PCDH15: variants seen among roughly 807,000 people sequenced by gnomAD.
The protein encoded by PCDH15 is protocadherin-15.
In PCDH15, 129 loss-of-function variants were observed where a neutral mutation model predicts 178.5. That is an observed-to-expected ratio of 0.72 (90% CI 0.63 to 0.84). The LOEUF is 0.84. Among genes scored for constraint, PCDH15 ranks in the 40% least tolerant of loss-of-function variants. The pLI is 0.00. For missense variants in PCDH15, 2,230 were observed against 2,099.9 expected (o/e 1.06, Z -1.21); for synonymous variants, 800 against 732.0 (o/e 1.09, Z -1.50).
intron 2 of PCDH15, among the ~76,000 whole-genome samples, chr10:54,557,416 TC>T (rs1377678721): frequency 6.6e-6 from 1 of 152,094 alleles, no homozygotes; most frequent in Non-Finnish European, 1.5e-5. Flanking sequence ...TGGGCACATT[TC>T]CCCCTCAAAC....
intron 2 of PCDH15, among the ~76,000 whole-genome samples, chr10:55,559,995 C>T (rs1842164447): frequency 6.6e-6 from 1 of 151,862 alleles, no homozygotes; most frequent in Admixed American, 6.6e-5. Flanking sequence ...ACTCATACAA[C>T]ACTGTAGGCC....
intron 3 of PCDH15, among the ~76,000 whole-genome samples, chr10:54,878,800 T>C (rs963162276): frequency 2.6e-5 from 4 of 152,086 alleles, no homozygotes; most frequent in Non-Finnish European, 5.9e-5. Flanking sequence ...ATCCATTAGA[T>C]ATTCTCCTTG....
intron 2 of PCDH15, among the ~76,000 whole-genome samples, chr10:54,542,947 A>G (rs1430797235): frequency 6.6e-6 from 1 of 152,182 alleles, no homozygotes; most frequent in Non-Finnish European, 1.5e-5. Context: ...GTGGTGAGGA[A>G]CACATTGGCA....
At position 54,144,191 on chromosome 10, in the gene PCDH15, G is replaced by A. The variant is rs373952579; in HGVS notation, c.1784+8909C>T. Among the ~76,000 whole-genome samples, 22 of 152,098 alleles carry A rather than the reference G, an allele frequency of 1.4e-4. No homozygotes were observed. In the South Asian group the frequency reaches 3.3e-3, roughly 23 times the overall value. On this transcript the variant is annotated intron_variant, in intron 14 of 37. Transcript: ENST00000644397. ...TCACCTGTAGTATGACGCTGCCCAC[G>A]ATGCCCCTCCTCAGTATTAAGCAGC...
chr10:53,955,757 C>T (rs907364976), intron 23 of PCDH15, among the ~76,000 whole-genome samples: 8 of 152,130 alleles, frequency 5.3e-5, no homozygotes, highest in Admixed American at 1.3e-4. Context: ...CACGAAAGAC[C>T]ATCCTAATAA....
At chr10:55,399,306 T>C (rs1004237725) in intron 2 of PCDH15, among the ~76,000 whole-genome samples, 2 of 152,192 alleles carry the variant, frequency 1.3e-5, no homozygotes, top group Non-Finnish European at 2.9e-5. Flanking sequence ...AAAATATTTA[T>C]TTTAATTTTA....
intron 4 of PCDH15, among the ~76,000 whole-genome samples, chr10:54,372,022 C>T (rs1177048939): frequency 6.6e-6 from 1 of 151,752 alleles, no homozygotes; most frequent in Non-Finnish European, 1.5e-5. Flanking sequence ...ATTAGATGAC[C>T]TCCATTTTTA....
chr10:55,233,262 G>C (rs941406462), intron 1 of PCDH15, among the ~76,000 whole-genome samples: 3 of 151,930 alleles, frequency 2.0e-5, no homozygotes, highest in Admixed American at 6.6e-5. Flanking sequence ...ATATACAAAA[G>C]CTTTTGCTTT....
chr10:55,345,998 T>C (rs1269117978), intron 2 of PCDH15, among the ~76,000 whole-genome samples: 2 of 152,106 alleles, frequency 1.3e-5, no homozygotes, highest in African/African-American at 2.4e-5. Flanking sequence ...TAAAATAAGA[T>C]GTAAGACTAT....
intron 1 of PCDH15, among the ~76,000 whole-genome samples, chr10:55,201,970 G>T (rs1190117804): frequency 6.6e-6 from 1 of 152,036 alleles, no homozygotes; most frequent in Non-Finnish European, 1.5e-5. Context: ...AGAAAATTCT[G>T]GGATAAACTG....
chr10:54,939,107 T>C (rs565840591), intron 2 of PCDH15, among the ~76,000 whole-genome samples: 1 of 152,246 alleles, frequency 6.6e-6, no homozygotes, highest in South Asian at 2.1e-4. Context: ...GCAGCAGCAA[T>C]ATAAAATAAA....
At chr10:55,114,011 C>T (rs1448281661) in intron 2 of PCDH15, among the ~76,000 whole-genome samples, 6 of 152,142 alleles carry the variant, frequency 3.9e-5, no homozygotes, top group African/African-American at 9.7e-5. Flanking sequence ...TGCAGTGGCA[C>T]GATCTCGGCT....
chr10:55,402,823 T>C (rs2084276), intron 2 of PCDH15, among the ~76,000 whole-genome samples: 149,673 of 152,038 alleles, frequency 0.98, 73,679 homozygotes, highest in East Asian at 1. Context: ...ATTTCCTTTC[T>C]TTTGGATAAA....
chr10:54,725,459 T>A (rs867610349), intron 1 of PCDH15, among the ~76,000 whole-genome samples: 1 of 147,154 alleles, frequency 6.8e-6, no homozygotes, highest in Admixed American at 7.0e-5. Flanking sequence ...GAAGGATCAC[T>A]TGAACTCAGA....
chr10:54,791,169 T>C (rs926388861), intron 1 of PCDH15, among the ~76,000 whole-genome samples: 4 of 151,882 alleles, frequency 2.6e-5, no homozygotes, highest in African/African-American at 4.8e-5. Context: ...CAATTGATCC[T>C]TATAAGGGCC....
chr10:55,456,116 T>G (rs1460478987), intron 2 of PCDH15, among the ~76,000 whole-genome samples: 2 of 152,140 alleles, frequency 1.3e-5, no homozygotes, highest in African/African-American at 4.8e-5. Flanking sequence ...TCAACTCTGC[T>G]TAATTTATCT....
At chr10:54,599,209 A>C (rs763221875) in intron 2 of PCDH15, among the ~76,000 whole-genome samples, 14 of 152,288 alleles carry the variant, frequency 9.2e-5, no homozygotes, top group African/African-American at 3.4e-4. Flanking sequence ...GGGAATCTTA[A>C]GCACAAAGAA....
Position 55,593,181 on chromosome 10 carries a change from A to G in PCDH15, c.-156+34444T>C, listed in dbSNP as rs199915504. Among the ~76,000 whole-genome samples the G allele has an allele frequency of 3.9e-5, 6 of 152,210 alleles. No homozygotes were observed. In the East Asian group the frequency reaches 1.2e-3, roughly 29 times the overall value. ...ACCCAAATATATGTTCAAAATACGT[A>G]TAAAAGAAAAACTGGTATGTTATTA... On this transcript the variant is annotated intron_variant, in intron 2 of 5. Coordinates refer to the PCDH15 transcript ENST00000613346.
chr10:54,241,586 G>T (rs1473575876), intron 8 of PCDH15, among the ~76,000 whole-genome samples: 2 of 152,124 alleles, frequency 1.3e-5, no homozygotes, highest in African/African-American at 4.8e-5. Flanking sequence ...TGCCTCTGAA[G>T]CAAAGCTGCT....
Sources: allele counts gnomAD v4.1 joint callset (sites outside exome capture counted in the v4.1 genomes callset), GRCh38; gene constraint gnomAD v4.1.1; transcripts MANE v1.5; gene names NCBI Gene and HGNC (gene_info 2026-07-23, HGNC 2026-07-21).